Variants in PNKD observed in about 807,000 individuals in gnomAD.
PNKD encodes the protein PNKD metallo-beta-lactamase domain containing.
PNKD carries 36 observed loss-of-function variants against 45.3 expected under a neutral mutation model. That is an observed-to-expected ratio of 0.80 (90% confidence interval 0.61 to 1.05). The LOEUF is 1.05. PNKD is among the 50% of genes least tolerant of loss of function. PNKD has a pLI of 0.00. For synonymous variants in PNKD, 197 were observed against 210.1 expected, an observed-to-expected ratio of 0.94 and a Z score of 0.54; for missense variants, 511 against 506.6, an observed-to-expected ratio of 1.01 and a Z score of -0.08.
intron 2 of PNKD, among the ~76,000 whole-genome samples, chr2:218,276,244 G>A (rs146808745): frequency 6.6e-6 from 1 of 152,274 alleles, no homozygotes; most frequent in Non-Finnish European, 1.5e-5. Context: ...ATTAAGACTG[G>A]TGATATATCC....
At chr2:218,313,565 A>T (rs1180316642) in intron 2 of PNKD, among the ~76,000 whole-genome samples, 2 of 152,160 alleles carry the variant, frequency 1.3e-5, no homozygotes, top group Non-Finnish European at 2.9e-5. Context: ...GTTCCACAGA[A>T]CCTAACTTTT....
chr2:218,331,904 C>T (rs767988078), intron 2 of PNKD, among the ~76,000 whole-genome samples: 1 of 152,134 alleles, frequency 6.6e-6, no homozygotes, highest in Admixed American at 6.6e-5. Flanking sequence ...GTGCAGTTTT[C>T]CAAGGTCTGA....
rs1393170995 is a variant in PNKD, at chr2:218,315,057, T to TCTTCCTTCCTTCCTTC, written c.237-24722_237-24707dup. On this transcript the variant is annotated intron_variant, in intron 2 of 9. Coordinates refer to ENST00000273077, the MANE Select transcript of PNKD (RefSeq NM_015488.5). The stretch of plus-strand genomic sequence containing the variant: ...CTTTCTTTTTCTTTCTTTCTTTCTT[T>TCTTCCTTCCTTCCTTC]CTTCCTTCCTTCCTTCCTTTCTTTC... Among the ~76,000 whole-genome samples the TCTTCCTTCCTTCCTTC allele has an allele frequency of 1.2e-3, 68 of 55,632 alleles. 6 individuals carry two copies. The highest frequency in any genetic ancestry group is 9.8e-3 in the Middle Eastern group (1 of 102). 36.5% of individuals were successfully genotyped at this position (55,632 alleles called of 152,430 possible). A position where few individuals can be genotyped will look rare whatever the true frequency, so the allele number is the denominator to read the frequency against.
chr2:218,310,544 G>A (rs928400714), intron 2 of PNKD, among the ~76,000 whole-genome samples: 2 of 149,424 alleles, frequency 1.3e-5, no homozygotes, highest in Non-Finnish European at 3.0e-5. Context: ...TTTTAATAGC[G>A]AAGGACCACA....
intron 2 of PNKD, among the ~76,000 whole-genome samples, chr2:218,284,599 A>G (rs558316895): frequency 2.7e-4 from 41 of 152,330 alleles, no homozygotes; most frequent in African/African-American, 9.9e-4. Flanking sequence ...TTTCAGAAGC[A>G]TGTGCTAGTA....
chr2:218,341,281 A>G (rs1348529581), intron 5 of PNKD, among the ~76,000 whole-genome samples: 1 of 152,220 alleles, frequency 6.6e-6, no homozygotes, highest in Non-Finnish European at 1.5e-5. Context: ...GATCAGATCC[A>G]CTTGGAGAAT....
At chr2:218,275,478 A>G (rs199711733) in intron 2 of PNKD, 116 of 1,612,716 alleles carry the variant, frequency 7.2e-5, no homozygotes, top group Non-Finnish European at 1.4e-5. Flanking sequence ...TTGCTCCTTA[A>G]TTGCGATCCC....
intron 2 of PNKD, chr2:218,280,720 C>T (rs1313814296): frequency 6.5e-6 from 1 of 152,852 alleles, no homozygotes; most frequent in Non-Finnish European, 1.5e-5. Context: ...GCCTGAATGC[C>T]TGAATGCCTC....
In PNKD at chr2:218,276,422, G is replaced by A. The variant is rs35262118; in HGVS notation, c.236+4873G>A. ...GACCAGTTCCTACAGCCCAGCCTGG[G>A]AGGGGTAGACTAAGGAAGAAGGGAG... On this transcript the variant is annotated intron_variant, in intron 2 of 9. Transcript: ENST00000273077. Among the ~76,000 whole-genome samples the A allele has an allele frequency of 8.5e-5, 13 of 152,270 alleles. No homozygotes were observed. The East Asian group carries it at 1.7e-3, about 20-fold the overall frequency.
chr2:218,272,888 C>A, intron 2 of PNKD: 2 of 1,578,794 alleles, frequency 1.3e-6, no homozygotes, highest in South Asian at 1.1e-5. Flanking sequence ...CCCTACCCTG[C>A]CCCACACCAA....
intron 1 of PNKD, 67 bp downstream of exon 1, chr2:218,270,669 C>A (rs192040351): frequency 6.2e-6 from 3 of 481,200 alleles, no homozygotes; most frequent in Non-Finnish European, 1.1e-5. Flanking sequence ...TCCAGCCCGA[C>A]GATAGCAGGA....
intron 2 of PNKD, chr2:218,327,248 C>G (rs1559526805): frequency 6.6e-6 from 1 of 152,252 alleles, no homozygotes; most frequent in Non-Finnish European, 1.5e-5. Flanking sequence ...GCAACCCCCC[C>G]TGGGACGGAC....
intron 2 of PNKD, among the ~76,000 whole-genome samples, chr2:218,313,022 G>A (rs1324154193): frequency 6.6e-6 from 1 of 151,518 alleles, no homozygotes; most frequent in Admixed American, 6.6e-5. Context: ...CCTGGCCCTA[G>A]CTTCCCCAAA....
chr2:218,325,197 C>CAT (rs1559526017), intron 2 of PNKD, among the ~76,000 whole-genome samples: 24 of 17,460 alleles, frequency 1.4e-3, no homozygotes, highest in Admixed American at 5.5e-3. Context: ...CCGCACCCGG[C>CAT]CTTTTTTTTT....
At chr2:218,292,304 G>T (rs947462897) in intron 2 of PNKD, among the ~76,000 whole-genome samples, 2 of 152,152 alleles carry the variant, frequency 1.3e-5, no homozygotes. Flanking sequence ...AGGGCCAGGA[G>T]GGGAGATCCC....
chr2:218,338,435 T>G (rs1235854911), intron 2 of PNKD, among the ~76,000 whole-genome samples: 2 of 138,062 alleles, frequency 1.4e-5, no homozygotes, highest in African/African-American at 2.8e-5. Context: ...CACTCCAGTC[T>G]GGGCAACAGA....
chr2:218,303,619 C>T (rs1693331709), intron 2 of PNKD, among the ~76,000 whole-genome samples: 1 of 145,514 alleles, frequency 6.9e-6, no homozygotes, highest in Non-Finnish European at 1.5e-5. Flanking sequence ...CTCTGTTGCC[C>T]AGGCTGGAAT....
chr2:218,290,526 G>A (rs997445066), intron 2 of PNKD, among the ~76,000 whole-genome samples: 7 of 152,142 alleles, frequency 4.6e-5, no homozygotes, highest in African/African-American at 1.7e-4. Context: ...GATCTCTGGC[G>A]AGGGTCCTCC....
intron 2 of PNKD, among the ~76,000 whole-genome samples, chr2:218,320,739 G>A (rs1045861486): frequency 5.9e-5 from 9 of 152,252 alleles, no homozygotes; most frequent in African/African-American, 2.2e-4. Context: ...AGAAGGCACA[G>A]TATGTGCAAA....
Sources: allele counts gnomAD v4.1 joint callset (sites outside exome capture counted in the v4.1 genomes callset), GRCh38; gene constraint gnomAD v4.1.1; transcripts MANE v1.5; gene names NCBI Gene and HGNC (gene_info 2026-07-23, HGNC 2026-07-21).